Variants in LNX1 observed in about 807,000 individuals in gnomAD.
LNX1 encodes the protein E3 ubiquitin-protein ligase LNX.
In LNX1, 54 loss-of-function variants were observed where a neutral mutation model predicts 68.4. The observed-to-expected ratio is 0.79, with a 90% CI of 0.63 to 0.99. LNX1 has a LOEUF of 0.99. Among genes scored for constraint, LNX1 ranks in the 50% least tolerant of loss-of-function variants. The pLI is 0.00. For synonymous variants in LNX1, 336 were observed against 350.0 expected, an observed-to-expected ratio of 0.96 and a Z score of 0.45; for missense variants, 906 against 926.4, an observed-to-expected ratio of 0.98 and a Z score of 0.29.
intron 1 of LNX1, chr4:53,576,186 G>T: frequency 6.3e-7 from 1 of 1,582,078 alleles, no homozygotes; most frequent in East Asian, 2.3e-5. Flanking sequence ...TTCAGTGGTG[G>T]GTGGATGTGA....
chr4:53,573,612 G>T lies in LNX1; in HGVS notation c.380+11C>A, dbSNP rs1731301694. On this transcript the variant is annotated intron_variant, in intron 2 of 10. Coordinates refer to ENST00000263925, the MANE Select transcript of LNX1 (RefSeq NM_001126328.3). ...GGGTGGGACTTACCGGCTCGCTGAT[G>T]GGGGACCTACCTGGTTTGAAAGTGA... 2.5e-6 allele frequency: 4 copies of T among 1,590,566 alleles called. No homozygotes were observed. Among genetic ancestry groups the T allele is most frequent in the Non-Finnish European group, 3.4e-6 (4 of 1,167,540 alleles).
chr4:53,509,092 C>T (rs770490631), intron 2 of LNX1, among the ~76,000 whole-genome samples: 5 of 152,192 alleles, frequency 3.3e-5, no homozygotes, highest in Non-Finnish European at 5.9e-5. Flanking sequence ...TGAACATGAA[C>T]ACTGCCACTC....
chr4:53,502,784 C>A (rs1185513729), intron 4 of LNX1, among the ~76,000 whole-genome samples: 1 of 152,222 alleles, frequency 6.6e-6, no homozygotes, highest in Non-Finnish European at 1.5e-5. Flanking sequence ...ATGTAATATT[C>A]TCAATCCTTT....
chr4:53,480,461 G>T (rs1723839671), intron 7 of LNX1, among the ~76,000 whole-genome samples: 1 of 152,172 alleles, frequency 6.6e-6, no homozygotes, highest in Non-Finnish European at 1.5e-5. Context: ...ACTAAAATTA[G>T]TTAATTGGAT....
chr4:53,529,336 T>C (rs79393640), intron 2 of LNX1, among the ~76,000 whole-genome samples: 1,527 of 152,118 alleles, frequency 0.01, 27 homozygotes, highest in African/African-American at 0.034. Flanking sequence ...GGCAGCATAG[T>C]TGAGGAGACA....
At chr4:53,523,191 G>A (rs565191277) in intron 2 of LNX1, 1 of 152,216 alleles carries the variant, frequency 6.6e-6, no homozygotes, top group South Asian at 2.1e-4. Flanking sequence ...CTAGGCATGG[G>A]TTTATGTTCC....
At chr4:53,463,161 T>C (rs1722316891) in intron 9 of LNX1, among the ~76,000 whole-genome samples, 1 of 152,108 alleles carries the variant, frequency 6.6e-6, no homozygotes, top group African/African-American at 2.4e-5. Context: ...GCTGTAAACA[T>C]AACCATCAAA....
At chr4:53,505,506 C>T (rs1426838405) in intron 4 of LNX1, among the ~76,000 whole-genome samples, 2 of 152,138 alleles carry the variant, frequency 1.3e-5, no homozygotes, top group African/African-American at 4.8e-5. Flanking sequence ...GCTGCCTCAG[C>T]CTCCCAAAGT....
chr4:53,504,263 C>T (rs1442887960), intron 4 of LNX1, among the ~76,000 whole-genome samples: 2 of 152,266 alleles, frequency 1.3e-5, no homozygotes, highest in African/African-American at 2.4e-5. Context: ...TCTGCTGCTT[C>T]GCTACAATCT....
chr4:53,551,706 G>A (rs1729530779), intron 2 of LNX1, among the ~76,000 whole-genome samples: 1 of 152,108 alleles, frequency 6.6e-6, no homozygotes, highest in African/African-American at 2.4e-5. Context: ...AAACCACCCG[G>A]CTGATCTCAA....
intron 2 of LNX1, chr4:53,508,445 C>T (rs999039640): frequency 3.5e-6 from 2 of 567,078 alleles, no homozygotes; most frequent in African/African-American, 1.9e-5. Context: ...TTTAAAGACG[C>T]CCACTGCATT....
chr4:53,496,504 C>T, intron 5 of LNX1, 110 bp from the exon 6 acceptor site: 1 of 1,322,928 alleles, frequency 7.6e-7, no homozygotes, highest in Middle Eastern at 2.3e-4. Context: ...CTGCTCTGCT[C>T]TCCCACCTCA....
chr4:53,502,631 A>T (rs1725588594), intron 4 of LNX1, among the ~76,000 whole-genome samples: 1 of 152,218 alleles, frequency 6.6e-6, no homozygotes, highest in Non-Finnish European at 1.5e-5. Context: ...GAAGTTTGCC[A>T]CATGAACTGA....
chr4:53,584,568 G>A (rs996491167), intron 1 of LNX1, among the ~76,000 whole-genome samples: 4 of 152,180 alleles, frequency 2.6e-5, no homozygotes, highest in African/African-American at 9.7e-5. Context: ...AATGATAAAT[G>A]CGATCTGGAC....
chr4:53,592,542 C>A, upstream of LNX1, among the ~76,000 whole-genome samples: 1 of 152,198 alleles, frequency 6.6e-6, no homozygotes, highest in East Asian at 1.9e-4. Context: ...CCTGAGGAAA[C>A]TGTGGATTCC....
At chr4:53,613,944 C>T (rs755232290) in intron 2 of LNX1, among the ~76,000 whole-genome samples, 1 of 151,386 alleles carries the variant, frequency 6.6e-6, no homozygotes, top group African/African-American at 2.4e-5. Context: ...AAAAGCATTC[C>T]TTTTTCTCCA....
In LNX1 at chr4:53,624,868, T is replaced by A. The variant is rs180675514; in HGVS notation, c.-215+27300A>T. ...GATTCTTCAATAGAATGTATTTATT[T>A]AAGATTCCAGAATTTTTTTACATGT... On this transcript the variant is annotated intron_variant, in intron 1 of 2. Coordinates refer to the LNX1 transcript ENST00000507168. Among the ~76,000 whole-genome samples the A allele has an allele frequency of 3.3e-5, 5 of 152,224 alleles. No individual in the cohort carries two copies. The East Asian group carries it at 7.7e-4, about 23-fold the overall frequency.
upstream of LNX1, among the ~76,000 whole-genome samples, chr4:53,617,657 T>C (rs1733729254): frequency 6.6e-6 from 1 of 152,198 alleles, no homozygotes; most frequent in Admixed American, 6.5e-5. Flanking sequence ...ACCCACATCA[T>C]CTATGTGTGC....
At chr4:53,566,896 C>T (rs924215873) in intron 2 of LNX1, among the ~76,000 whole-genome samples, 1 of 151,210 alleles carries the variant, frequency 6.6e-6, no homozygotes, top group Non-Finnish European at 1.5e-5. Flanking sequence ...TCAAAAGAGA[C>T]AAGGCCATTA....
Sources: allele counts gnomAD v4.1 joint callset (sites outside exome capture counted in the v4.1 genomes callset), GRCh38; gene constraint gnomAD v4.1.1; transcripts MANE v1.5; gene names NCBI Gene and HGNC (gene_info 2026-07-23, HGNC 2026-07-21).